The following UNC13C variants were observed in gnomAD, a reference collection of about 807,000 sequenced individuals.
UNC13C encodes the protein protein unc-13 homolog C.
In UNC13C, 174 loss-of-function variants were observed where a neutral mutation model predicts 245.4. The ratio of observed to expected loss-of-function variants is 0.71; its 90% CI spans 0.63 to 0.80. The LOEUF is 0.80. Among genes scored for constraint, UNC13C ranks in the 30% least tolerant of loss-of-function variants. The pLI, the probability that UNC13C is intolerant of heterozygous loss-of-function variation, is 0.00. For synonymous variants in UNC13C, 992 were observed against 895.1 expected (o/e 1.11, Z -1.93); for missense variants, 2,829 against 2,602.9 (o/e 1.09, Z -1.89).
intron 19 of UNC13C, among the ~76,000 whole-genome samples, chr15:54,440,576 G>A (rs1362836904): frequency 1.3e-5 from 2 of 151,908 alleles, no homozygotes; most frequent in East Asian, 3.9e-4. Flanking sequence ...ACTTGGGTTG[G>A]TTCCATATCT....
At chr15:53,954,526 A>C in the UNC13C span, among the ~76,000 whole-genome samples, 7 of 152,220 alleles carry the variant, frequency 4.6e-5, no homozygotes, top group Admixed American at 4.6e-4. Flanking sequence ...CAAAGCTATC[A>C]TCCTGCTATT....
intron 2 of UNC13C, among the ~76,000 whole-genome samples, chr15:54,033,496 A>G (rs1010314287): frequency 4.6e-5 from 7 of 152,140 alleles, no homozygotes; most frequent in Admixed American, 1.3e-4. Flanking sequence ...AGCTGTTCTC[A>G]AGCCTGGATG....
intron 19 of UNC13C, among the ~76,000 whole-genome samples, chr15:54,435,699 TTAG>T (rs1284477192): frequency 6.6e-6 from 1 of 151,512 alleles, no homozygotes; most frequent in East Asian, 2.0e-4. Flanking sequence ...AAACTGCACG[TTAG>T]GCACATGTAT....
chr15:54,554,991 A>T (rs191220778), intron 28 of UNC13C, among the ~76,000 whole-genome samples: 109 of 152,154 alleles, frequency 7.2e-4, no homozygotes, highest in African/African-American at 2.6e-3. Context: ...GGCATCTAAG[A>T]AGAAGAATAA....
chr15:54,478,772 A>G lies in UNC13C; in HGVS notation c.4934-15836A>G, dbSNP rs1353009609. ...GGAATAGGTGTGGTGTGGTGCTGAA[A>G]AAAATGTATATTCTGTTGATTTGGG... On this transcript the variant is annotated intron_variant, in intron 19 of 32. Coordinates refer to ENST00000260323, the MANE Select transcript of UNC13C (RefSeq NM_001080534.3). Among the ~76,000 whole-genome samples the G allele has an allele frequency of 2.0e-5, 3 of 152,056 alleles. No homozygotes were observed. The East Asian group carries it at 5.9e-4, about 30-fold the overall frequency.
intron 2 of UNC13C, among the ~76,000 whole-genome samples, chr15:54,070,008 C>G (rs1234559599): frequency 2.0e-5 from 3 of 152,268 alleles, no homozygotes; most frequent in South Asian, 2.1e-4. Flanking sequence ...TATAATGATC[C>G]TTAGACAGTT....
chr15:54,396,166 A>G (rs548695904), intron 18 of UNC13C, among the ~76,000 whole-genome samples: 4 of 151,826 alleles, frequency 2.6e-5, no homozygotes, highest in Middle Eastern at 3.4e-3. Context: ...TAGTTCTGGC[A>G]TATGTATTTA....
chr15:54,343,285 C>CA lies in UNC13C; in HGVS notation c.4713+4797dup, dbSNP rs201378905. Among the ~76,000 whole-genome samples the CA allele has an allele frequency of 3.9e-3, 598 of 152,226 alleles. 26 individuals carry two copies. In the East Asian group the frequency reaches 0.084, roughly 22 times the overall value. On this transcript the variant is annotated intron_variant, in intron 17 of 32. Coordinates refer to ENST00000260323, the MANE Select transcript of UNC13C (RefSeq NM_001080534.3). ...AGTAGCTGGGATTACAGAGGCCCAC[C>CA]ACCACGCCTGGCTTATTTTGTATTT...
chr15:54,106,580 T>C (rs998387309), intron 2 of UNC13C, among the ~76,000 whole-genome samples: 1 of 152,182 alleles, frequency 6.6e-6, no homozygotes, highest in Non-Finnish European at 1.5e-5. Flanking sequence ...AGAAAAAAAA[T>C]TATCTCCCAT....
intron 2 of UNC13C, among the ~76,000 whole-genome samples, chr15:54,034,467 CT>C (rs1896490031): frequency 1.3e-5 from 2 of 152,066 alleles, no homozygotes; most frequent in Non-Finnish European, 2.9e-5. Context: ...GTGGTATTAA[CT>C]CTGTTTTCTT....
intron 2 of UNC13C, among the ~76,000 whole-genome samples, chr15:54,043,706 A>G (rs904257209): frequency 5.3e-5 from 8 of 152,158 alleles, no homozygotes; most frequent in African/African-American, 1.9e-4. Flanking sequence ...GGGATACCCT[A>G]TTTTGGGATG....
At chr15:54,223,479 ATT>A in intron 4 of UNC13C, among the ~76,000 whole-genome samples, 1 of 151,904 alleles carries the variant, frequency 6.6e-6, no homozygotes, top group Middle Eastern at 3.4e-3. Context: ...GTGCCATGCT[ATT>A]TTGGTTACTG....
intron 13 of UNC13C, among the ~76,000 whole-genome samples, chr15:54,312,690 A>G (rs2037906227): frequency 6.6e-6 from 1 of 151,698 alleles, no homozygotes; most frequent in Non-Finnish European, 1.5e-5. Context: ...GTGGGAAAGG[A>G]GAAACAGCTT....
chr15:54,485,354 G>A (rs1021056204), intron 19 of UNC13C, among the ~76,000 whole-genome samples: 10 of 152,150 alleles, frequency 6.6e-5, no homozygotes, highest in African/African-American at 2.4e-4. Context: ...ACCATTTCTG[G>A]TCTCAGGTTA....
At chr15:54,268,657 C>T (rs931194047) in intron 10 of UNC13C, among the ~76,000 whole-genome samples, 1 of 152,062 alleles carries the variant, frequency 6.6e-6, no homozygotes, top group African/African-American at 2.4e-5. Context: ...AAATAGTGCT[C>T]AATTTCAGGC....
At chr15:54,300,401 C>T in intron 13 of UNC13C, 28 bp downstream of exon 13, 2 of 1,531,056 alleles carry the variant, frequency 1.3e-6, no homozygotes, top group African/African-American at 1.4e-5. Context: ...TTTACATGGT[C>T]AATATCTCTA....
intron 7 of UNC13C, among the ~76,000 whole-genome samples, chr15:54,247,569 C>T (rs538053717): frequency 1.3e-5 from 2 of 152,014 alleles, no homozygotes; most frequent in East Asian, 3.9e-4. Context: ...CATGCCCATA[C>T]CCCCGAAAGT....
At chr15:54,156,533 G>C (rs111742024) in intron 4 of UNC13C, among the ~76,000 whole-genome samples, 3 of 152,096 alleles carry the variant, frequency 2.0e-5, no homozygotes, top group African/African-American at 4.8e-5. Context: ...AATTTAGAAG[G>C]TTCCCCACGT....
the UNC13C span, among the ~76,000 whole-genome samples, chr15:53,929,015 CTCAT>C: frequency 6.6e-6 from 1 of 152,104 alleles, no homozygotes; most frequent in African/African-American, 2.4e-5. Flanking sequence ...TTAGTCTGTT[CTCAT>C]GCTGGTAATA....
Sources: gnomAD v4.1 joint callset for allele counts (sites outside exome capture counted in the v4.1 genomes callset) on GRCh38, gnomAD v4.1.1 for gene constraint, MANE v1.5 for transcripts, NCBI Gene and HGNC (gene_info 2026-07-23, HGNC 2026-07-21) for gene names.